TMEM131: variants seen among roughly 807,000 people sequenced by gnomAD.
TMEM131 encodes 2610524E03Rik.
TMEM131 carries 66 observed loss-of-function variants against 211.6 expected under a neutral mutation model. The observed-to-expected ratio is 0.31, with a 90% CI of 0.26 to 0.38. TMEM131 has a LOEUF of 0.38. Among genes scored for constraint, TMEM131 ranks in the 10% least tolerant of loss-of-function variants. The probability of loss-of-function intolerance (pLI) is 1.00; values close to 1 mark genes in which losing one functional copy is unlikely to be tolerated. For missense variants in TMEM131, 2,036 were observed against 2,299.3 expected, an observed-to-expected ratio of 0.89 and a Z score of 2.34; for synonymous variants, 844 against 841.3, an observed-to-expected ratio of 1.00 and a Z score of -0.06.
At chr2:97,958,515 T>C (rs1368909364) in intron 1 of TMEM131, among the ~76,000 whole-genome samples, 1 of 152,228 alleles carries the variant, frequency 6.6e-6, no homozygotes, top group Non-Finnish European at 1.5e-5. Context: ...AATGCCTTGG[T>C]ACTCAGCAAA....
chr2:97,824,596 A>G (rs1267034411), intron 11 of TMEM131, among the ~76,000 whole-genome samples: 1 of 152,186 alleles, frequency 6.6e-6, no homozygotes, highest in African/African-American at 2.4e-5. Context: ...TATTACCTAC[A>G]TGAATATGGG....
At chr2:97,961,769 C>T (rs1297179777) in intron 1 of TMEM131, among the ~76,000 whole-genome samples, 1 of 152,192 alleles carries the variant, frequency 6.6e-6, no homozygotes, top group Non-Finnish European at 1.5e-5. Flanking sequence ...GCCAAAGCAA[C>T]TCAATGGAGG....
In TMEM131 at chr2:97,923,635, A is replaced by AAAAAAAAAAAAAG. The variant is rs1573563018; in HGVS notation, c.249+3790_249+3791insCTTTTTTTTTTTT. Among the ~76,000 whole-genome samples the AAAAAAAAAAAAAG allele has an allele frequency of 7.2e-5, 9 of 125,666 alleles. No individual in the cohort carries two copies. In the East Asian group the frequency reaches 1.8e-3, roughly 25 times the overall value. 82.4% of individuals were successfully genotyped at this position (125,666 alleles called of 152,430 possible). Reference sequence around the variant, plus strand: ...AGACACTGTCTTTTTTTTTAAAAAAAAAAAAAAAAAAAAAAAAAGACAAAA... The same window carrying AAAAAAAAAAAAAG: ...AGACACTGTCTTTTTTTTTAAAAAAAAAAAAAAAAAAAGAAAAAAAAAAAAAAAAAAGACAAAA... On this transcript the variant is annotated intron_variant, in intron 2 of 40. Coordinates refer to ENST00000186436, the MANE Select transcript of TMEM131 (RefSeq NM_015348.2).
intron 5 of TMEM131, among the ~76,000 whole-genome samples, chr2:97,856,225 C>G (rs74587284): frequency 0.013 from 1,981 of 151,898 alleles, 25 homozygotes; most frequent in Non-Finnish European, 0.021. Flanking sequence ...ATAATATGGC[C>G]ATGAAAGATG....
chr2:97,980,210 A>C (rs1679726134), intron 1 of TMEM131, among the ~76,000 whole-genome samples: 1 of 152,230 alleles, frequency 6.6e-6, no homozygotes. Flanking sequence ...AAAGCCTGAA[A>C]TATTGTGAGA....
chr2:97,795,161 A>C, intron 28 of TMEM131, 46 bp from the exon 29 acceptor site: 57 of 1,451,762 alleles, frequency 3.9e-5, no homozygotes, highest in Non-Finnish European at 4.9e-5. Context: ...AAAATATCTC[A>C]CAAGCAGTCT....
At chr2:97,932,163 A>G (rs939637021) in intron 1 of TMEM131, among the ~76,000 whole-genome samples, 2 of 150,976 alleles carry the variant, frequency 1.3e-5, no homozygotes, top group Admixed American at 1.3e-4. Flanking sequence ...AAAAAAAGAC[A>G]CTGCTATTTT....
Position 97,859,322 on chromosome 2 carries a change from T to G in TMEM131, c.465A>C (p.Ala155=), listed in dbSNP as rs754577725. The change falls in exon 5 of 41, where the codon GCA becomes GCC. Residue 155 remains alanine, a synonymous_variant. Transcript: ENST00000186436. ...AACTTACCCTATTTTGAAAAAATGATGCATGAAAATGTGATGTTGTAGCAG... is the reference window on the plus strand; with the variant it reads ...AACTTACCCTATTTTGAAAAAATGAGGCATGAAAATGTGATGTTGTAGCAG... ...SISATTSHFH[A]SFFQNRKILP... is the part of the protein sequence containing the mutation. The G allele has an allele frequency of 6.3e-7, 1 of 1,596,092 alleles. No individual in the cohort carries two copies. The highest frequency in any genetic ancestry group is 8.5e-7 in the Non-Finnish European group (1 of 1,174,950).
intron 5 of TMEM131, among the ~76,000 whole-genome samples, chr2:97,854,257 A>G (rs1308782128): frequency 1.3e-5 from 2 of 152,230 alleles, no homozygotes; most frequent in Admixed American, 6.5e-5. Flanking sequence ...TTAGCAATAA[A>G]GTATTTTTGA....
At chr2:97,932,058 C>T (rs2104458181) in intron 1 of TMEM131, among the ~76,000 whole-genome samples, 1 of 151,516 alleles carries the variant, frequency 6.6e-6, no homozygotes, top group East Asian at 1.9e-4. Context: ...TGACATTGTG[C>T]TTGAGCCCAG....
intron 4 of TMEM131, among the ~76,000 whole-genome samples, chr2:97,883,870 CAAAT>C (rs372055893): frequency 2.6e-5 from 4 of 152,058 alleles, no homozygotes; most frequent in Non-Finnish European, 4.4e-5. Context: ...TGTAACTCAA[CAAAT>C]AAATACAGAT....
intron 4 of TMEM131, among the ~76,000 whole-genome samples, chr2:97,874,706 C>T (rs1674621938): frequency 6.6e-6 from 1 of 152,198 alleles, no homozygotes; most frequent in Non-Finnish European, 1.5e-5. Context: ...GCCTGCCTTA[C>T]AAGAGCTCCT....
At chr2:97,896,969 G>A (rs540312935) in intron 3 of TMEM131, among the ~76,000 whole-genome samples, 26 of 150,876 alleles carry the variant, frequency 1.7e-4, no homozygotes, top group South Asian at 1.7e-3. Flanking sequence ...CCATGAACGC[G>A]GAATCTTTCT....
chr2:97,908,766 A>ATTTTGGATAT, intron 2 of TMEM131, 68 bp from the exon 3 acceptor site: 1 of 1,305,948 alleles, frequency 7.7e-7, no homozygotes, highest in Non-Finnish European at 1.1e-6. Flanking sequence ...CATATGGAAT[A>ATTTTGGATAT]TCCAAAATAT....
At chr2:97,809,554 G>T in intron 19 of TMEM131, 134 bp downstream of exon 19, 1 of 651,170 alleles carries the variant, frequency 1.5e-6, no homozygotes, top group Non-Finnish European at 2.7e-6. Flanking sequence ...ATCTTCTAAA[G>T]AACCTGGTAT....
chr2:97,780,062 AAAAAACAAAAAC>A (rs928094520), intron 31 of TMEM131, among the ~76,000 whole-genome samples: 2 of 152,062 alleles, frequency 1.3e-5, no homozygotes, highest in Non-Finnish European at 2.9e-5. Context: ...AACAAACAAA[AAAAAACAAAAAC>A]AAAAACAAAA....
Position 97,966,534 on chromosome 2 carries a change from G to GAC in TMEM131, c.187+28940_187+28941dup, listed in dbSNP as rs146701530. 1.6e-3 allele frequency among the ~76,000 whole-genome samples: 247 copies of GAC among 152,230 alleles called. 5 individuals are homozygous for GAC. The East Asian group carries it at 0.043, about 27-fold the overall frequency. On this transcript the variant is annotated intron_variant, in intron 1 of 40. Coordinates refer to ENST00000186436, the MANE Select transcript of TMEM131 (RefSeq NM_015348.2). ...GGTTCCAACGACCAATCCAGTGTCT[G>GAC]ACACAGTGGCCCTCAATAAATGTTT...
intron 35 of TMEM131, 91 bp downstream of exon 35, chr2:97,766,023 T>TA (rs1211020880): frequency 6.6e-7 from 1 of 1,518,342 alleles, no homozygotes; most frequent in East Asian, 2.3e-5. Context: ...ATGGGTATTT[T>TA]AAAGCAACAT....
At chr2:97,952,190 A>G (rs1186004766) in intron 1 of TMEM131, among the ~76,000 whole-genome samples, 1 of 151,966 alleles carries the variant, frequency 6.6e-6, no homozygotes, top group East Asian at 1.9e-4. Flanking sequence ...CAGTCTGAAC[A>G]GCTGCAGAAA....
Sources: allele counts gnomAD v4.1 joint callset (sites outside exome capture counted in the v4.1 genomes callset), GRCh38; gene constraint gnomAD v4.1.1; transcripts MANE v1.5; gene names NCBI Gene and HGNC (gene_info 2026-07-23, HGNC 2026-07-21).